TDRD12: variants seen among roughly 807,000 people sequenced by gnomAD.
TDRD12 encodes the protein putative ATP-dependent RNA helicase TDRD12.
A neutral mutation model predicts 133.5 loss-of-function variants in TDRD12; 158 were observed. The ratio of observed to expected loss-of-function variants is 1.18; its 90% CI spans 1.04 to 1.35. The LOEUF is 1.35. TDRD12 is among the 40% of genes most tolerant of loss of function. TDRD12 has a pLI of 0.00. For synonymous variants in TDRD12, 460 were observed against 477.9 expected (o/e 0.96, Z 0.49); for missense variants, 1,443 against 1,321.3 (o/e 1.09, Z -1.43).
intron 14 of TDRD12, 100 bp from the exon 15 acceptor site, chr19:32,797,634 CG>C: frequency 1.8e-6 from 1 of 542,134 alleles, no homozygotes; most frequent in Non-Finnish European, 3.3e-6. Context: ...CAGAAACTTA[CG>C]GGGTGCTGCT....
intron 8 of TDRD12, among the ~76,000 whole-genome samples, chr19:32,770,154 G>A (rs937686944): frequency 1.3e-4 from 19 of 151,714 alleles, no homozygotes; most frequent in Non-Finnish European, 2.7e-4. Context: ...TTAAAGGCAC[G>A]CACCACCATG....
At chr19:32,821,294 G>T, downstream of TDRD12, 1 of 708,116 alleles carries the variant, frequency 1.4e-6, no homozygotes, top group Admixed American at 2.9e-5. Flanking sequence ...TCAGCCCCCA[G>T]TGTTTTGTTT....
chr19:32,792,642 T>C (rs1005816540), intron 13 of TDRD12, among the ~76,000 whole-genome samples: 1 of 152,122 alleles, frequency 6.6e-6, no homozygotes, highest in Non-Finnish European at 1.5e-5. Context: ...TGAAGGAAGA[T>C]GATAGGACAT....
exon 10 of TDRD12, chr19:32,829,219 GC>G (rs1280193507): frequency 6.6e-6 from 1 of 152,214 alleles, no homozygotes; most frequent in East Asian, 1.9e-4. Context: ...ACCCAGGTGC[GC>G]CGAGTCTCTT....
At chr19:32,773,182 T>G (rs749624417) in intron 9 of TDRD12, among the ~76,000 whole-genome samples, 1 of 152,202 alleles carries the variant, frequency 6.6e-6, no homozygotes, top group Non-Finnish European at 1.5e-5. Flanking sequence ...CTCCGTCCCT[T>G]TGACAAGACA....
intron 1 of TDRD12, among the ~76,000 whole-genome samples, chr19:32,729,208 C>G (rs1159030050): frequency 2.3e-5 from 3 of 132,216 alleles, no homozygotes; most frequent in Non-Finnish European, 4.9e-5. Flanking sequence ...TTTTCTTTTT[C>G]TTTTTTTTTT....
intron 6 of TDRD12, among the ~76,000 whole-genome samples, chr19:32,752,345 A>AT (rs923828776): frequency 6.6e-6 from 1 of 151,734 alleles, no homozygotes; most frequent in African/African-American, 2.4e-5. Context: ...ACACCGGCTA[A>AT]TTTTTTGTAT....
intron 8 of TDRD12, among the ~76,000 whole-genome samples, chr19:32,770,062 G>A (rs1415995900): frequency 6.6e-6 from 1 of 151,022 alleles, no homozygotes; most frequent in Non-Finnish European, 1.5e-5. Context: ...GCTCACTGCA[G>A]GCAGTGAGAT....
At chr19:32,814,024 C>T (rs771789431) in intron 25 of TDRD12, among the ~76,000 whole-genome samples, 2 of 152,190 alleles carry the variant, frequency 1.3e-5, no homozygotes, top group African/African-American at 2.4e-5. Context: ...GGCACACGCA[C>T]GCACACACAT....
At chr19:32,777,351 T>C (rs1161484746) in intron 11 of TDRD12, 122 bp downstream of exon 11, 34 of 675,952 alleles carry the variant, frequency 5.0e-5, no homozygotes, top group Non-Finnish European at 2.4e-6. Flanking sequence ...AAAATAAATG[T>C]ACAGTATATC....
intron 13 of TDRD12, among the ~76,000 whole-genome samples, chr19:32,792,741 A>G (rs956969893): frequency 6.6e-6 from 1 of 152,228 alleles, no homozygotes; most frequent in African/African-American, 2.4e-5. Context: ...GGCCCAGCAC[A>G]ACTGCTGAAG....
At chr19:32,736,341 A>G (rs1969223498) in intron 2 of TDRD12, among the ~76,000 whole-genome samples, 1 of 152,208 alleles carries the variant, frequency 6.6e-6, no homozygotes, top group African/African-American at 2.4e-5. Flanking sequence ...ACTTGGGCCC[A>G]GGAGTTTGAG....
At chr19:32,733,470 C>CA (rs5827819) in intron 2 of TDRD12, among the ~76,000 whole-genome samples, 79,211 of 142,976 alleles carry the variant, frequency 0.55, 21,834 homozygotes, top group East Asian at 0.82. Context: ...AACTCTGTCT[C>CA]AAAAAAAAAA....
chr19:32,766,961 A>C (rs1970315514), intron 8 of TDRD12, among the ~76,000 whole-genome samples: 5 of 151,928 alleles, frequency 3.3e-5, no homozygotes, highest in Middle Eastern at 3.4e-3. Flanking sequence ...TTTAGGGTTT[A>C]GAGTAAACAT....
intron 24 of TDRD12, among the ~76,000 whole-genome samples, chr19:32,812,379 T>C (rs1185766068): frequency 6.6e-6 from 1 of 152,212 alleles, no homozygotes; most frequent in East Asian, 1.9e-4. Flanking sequence ...TTTTGCATAA[T>C]TCGACAAATG....
intron 1 of TDRD12, among the ~76,000 whole-genome samples, chr19:32,722,268 C>T (rs968758900): frequency 6.6e-6 from 1 of 152,190 alleles, no homozygotes; most frequent in Non-Finnish European, 1.5e-5. Flanking sequence ...CTGAAACATG[C>T]ACAACCATCC....
At chr19:32,817,915 C>T (rs1376626224) in intron 26 of TDRD12, among the ~76,000 whole-genome samples, 174 bp from the exon 27 acceptor site, 1 of 126,286 alleles carries the variant, frequency 7.9e-6, no homozygotes, top group Non-Finnish European at 1.6e-5. Flanking sequence ...GCCCAGCCCA[C>T]CCAGGCATCC....
intron 8 of TDRD12, among the ~76,000 whole-genome samples, chr19:32,761,572 A>G (rs1282772338): frequency 6.6e-6 from 1 of 152,214 alleles, no homozygotes; most frequent in Non-Finnish European, 1.5e-5. Context: ...GGTGTAGTGG[A>G]ATATCATTAT....
chr19:32,815,768 G>A, intron 26 of TDRD12, 148 bp downstream of exon 26: 2 of 717,266 alleles, frequency 2.8e-6, no homozygotes, highest in Non-Finnish European at 4.4e-6. Flanking sequence ...GGCCAAGGTG[G>A]GCGGCTCACG....
Sources: allele counts gnomAD v4.1 joint callset (sites outside exome capture counted in the v4.1 genomes callset), GRCh38; gene constraint gnomAD v4.1.1; transcripts MANE v1.5; gene names NCBI Gene and HGNC (gene_info 2026-07-23, HGNC 2026-07-21).